The following ABCG1 variants were observed in gnomAD, a reference collection of about 807,000 sequenced individuals.
ABCG1 encodes the protein ATP binding cassette subfamily G member 1, also known as ATP-binding cassette sub-family G member 1.
A neutral mutation model predicts 69.2 loss-of-function variants in ABCG1; 29 were observed. The ratio of observed to expected loss-of-function variants is 0.42; its 90% CI spans 0.31 to 0.57. The LOEUF (loss-of-function observed/expected upper bound fraction) is 0.57. Ranked by LOEUF, ABCG1 falls within the 20% of genes least tolerant of loss-of-function variation. ABCG1 has a pLI of 0.15. For missense variants in ABCG1, 718 were observed against 898.1 expected (o/e 0.80, Z 2.56); for synonymous variants, 370 against 374.8 (o/e 0.99, Z 0.15).
Position 42,288,028 on chromosome 21 carries a change from C to T in ABCG1, c.1113C>T (p.Pro371=). ...AEVNPFLWHR[P]SEEDSSSMEG... is the part of the protein sequence containing the mutation. Reference sequence around the variant, plus strand: ...TGAACCCTTTTCTTTGGCACCGGCCCTCTGAAGAGGTAAAGCAGACAAAAC... The same window carrying T: ...TGAACCCTTTTCTTTGGCACCGGCCTTCTGAAGAGGTAAAGCAGACAAAAC... The change falls in exon 9 of 15, where the codon CCC becomes CCT. Residue 371 remains proline (P), a synonymous_variant. Coordinates refer to ENST00000398449, the MANE Select transcript of ABCG1 (RefSeq NM_016818.3). The surrounding 1 kb of genome is among the most constrained non-coding windows in gnomAD (Gnocchi z 4.8). 2 of 1,610,926 alleles carry T rather than the reference C, an allele frequency of 1.2e-6. No homozygotes were observed. The highest frequency in any genetic ancestry group is 1.7e-6 in the Non-Finnish European group (2 of 1,178,092).
At chr21:42,233,856 G>A (rs2067936648) in intron 2 of ABCG1, among the ~76,000 whole-genome samples, 1 of 152,232 alleles carries the variant, frequency 6.6e-6, no homozygotes, top group Non-Finnish European at 1.5e-5. Flanking sequence ...CCTGAGTCAC[G>A]TTCTTTCTGT....
At chr21:42,225,344 C>T (rs1325029273) in intron 1 of ABCG1, among the ~76,000 whole-genome samples, 1 of 152,132 alleles carries the variant, frequency 6.6e-6, no homozygotes, top group Non-Finnish European at 1.5e-5. Flanking sequence ...GTAAATAGAT[C>T]GATGCCTATG....
Position 42,276,901 on chromosome 21 carries a change from G to A in ABCG1, c.544G>A (p.Ala182Thr). Reference protein sequence around the residue: ...LTVQEAMMVSAHLKLQEKDEG... With the variant: ...LTVQEAMMVSTHLKLQEKDEG... ...TTGTCCTTGTCCCCTGCAGGTGTCGGCACATCTGAAGCTTCAGGAGAAGGA... is the reference window on the plus strand; with the variant it reads ...TTGTCCTTGTCCCCTGCAGGTGTCGACACATCTGAAGCTTCAGGAGAAGGA... The change falls in exon 5 of 15, where the codon GCA becomes ACA. Residue 182 changes from alanine (A) to threonine (T), a missense_variant. By Grantham distance (58) the Ala-to-Thr change is moderately conservative (BLOSUM62 0). Coordinates refer to ENST00000398449, the MANE Select transcript of ABCG1 (RefSeq NM_016818.3). The surrounding 1 kb of genome is among the most constrained non-coding windows in gnomAD (Gnocchi z 5.3). 6.2e-7 allele frequency: 1 copy of A among 1,614,180 alleles called. No homozygotes were observed. The highest frequency in any genetic ancestry group is 8.5e-7 in the Non-Finnish European group (1 of 1,180,016).
At chr21:42,200,471 T>A (rs1453143293) in intron 1 of ABCG1, among the ~76,000 whole-genome samples, 1 of 152,158 alleles carries the variant, frequency 6.6e-6, no homozygotes, top group East Asian at 1.9e-4. Flanking sequence ...AGTCTTCATA[T>A]ATCAGGGGTC....
chr21:42,234,715 G>A (rs1370011598), intron 2 of ABCG1, among the ~76,000 whole-genome samples: 1 of 152,226 alleles, frequency 6.6e-6, no homozygotes, highest in African/African-American at 2.4e-5. Flanking sequence ...TGGTGCAGGT[G>A]CTGACTCTGC....
At chr21:42,294,030 G>A (rs1433025700) in intron 13 of ABCG1, among the ~76,000 whole-genome samples, 2 of 151,648 alleles carry the variant, frequency 1.3e-5, no homozygotes, top group Non-Finnish European at 2.9e-5. Context: ...CAGTGCCCCT[G>A]TTGGACCTGT....
rs4148112 is a variant in ABCG1, at chr21:42,230,666, C to T, written c.286+4752C>T. On this transcript the variant is annotated intron_variant, in intron 2 of 14. Transcript: ENST00000398449. ...AAGCTGCTTTCAGAGCCCATTCACA[C>T]AAGGGTCTCATTTTATTAGGGCGTG... is the stretch of plus-strand genomic sequence containing the variant. Among the ~76,000 whole-genome samples the T allele has an allele frequency of 2.1e-3, 318 of 152,332 alleles. 2 individuals carry two copies. In the East Asian group the frequency reaches 0.029, roughly 14 times the overall value.
upstream of ABCG1, among the ~76,000 whole-genome samples, chr21:42,211,855 C>CAA (rs2067592880): frequency 1.3e-5 from 2 of 152,068 alleles, no homozygotes; most frequent in South Asian, 4.1e-4. Context: ...TGCCACTGCA[C>CAA]TCCAGCCTGG....
intron 2 of ABCG1, among the ~76,000 whole-genome samples, chr21:42,242,936 A>AT (rs1365272151): frequency 2.6e-5 from 4 of 152,142 alleles, no homozygotes; most frequent in Admixed American, 6.5e-5. Flanking sequence ...TCTGATAAGT[A>AT]TGGGGCGATG....
At chr21:42,274,811 C>G (rs917250706) in intron 4 of ABCG1, among the ~76,000 whole-genome samples, 6 of 152,060 alleles carry the variant, frequency 3.9e-5, no homozygotes, top group African/African-American at 1.4e-4. Flanking sequence ...CTCATGGCGA[C>G]TGAAACCACA....
intron 2 of ABCG1, among the ~76,000 whole-genome samples, chr21:42,270,461 G>A (rs2068596097): frequency 1.3e-5 from 2 of 151,980 alleles, no homozygotes; most frequent in Non-Finnish European, 2.9e-5. Context: ...GCAGTTTGGT[G>A]TGGCTCCAAA....
rs2068709963 is a variant in ABCG1 at position 42,276,307 on chromosome 21, T to G, written c.538-588T>G. 6.6e-6 allele frequency: 1 copy of G among 152,550 alleles called. No homozygotes were observed. Among genetic ancestry groups the G allele is most frequent in the African/African-American group, 2.4e-5 (1 of 41,436 alleles). The allele number at this position is 152,550 out of a possible 1,614,324, so 9.4% of individuals were successfully genotyped here. On this transcript the variant is annotated intron_variant, in intron 4 of 14. Coordinates refer to ENST00000398449, the MANE Select transcript of ABCG1 (RefSeq NM_016818.3). This position sits in a 1 kb window ranked among gnomAD's most constrained non-coding sequence, Gnocchi z 5.3. ...GTCGCCCTCGTAAATTCCTGTGCTG[T>G]AAAGACTCTCCTGTGGATAAGTTCA...
intron 6 of ABCG1, 47 bp downstream of exon 6, chr21:42,282,466 C>T (rs755017211): frequency 6.4e-7 from 1 of 1,573,868 alleles, no homozygotes; most frequent in Non-Finnish European, 8.7e-7. Flanking sequence ...GGAAGAACCC[C>T]CTGTATTCAG....
chr21:42,257,815 A>G (rs2068330714), intron 2 of ABCG1, among the ~76,000 whole-genome samples: 1 of 152,210 alleles, frequency 6.6e-6, no homozygotes, highest in Non-Finnish European at 1.5e-5. Flanking sequence ...TTCTTCAGGA[A>G]CAGACTGAGG....
chr21:42,239,792 G>A (rs2068025440), intron 2 of ABCG1, among the ~76,000 whole-genome samples: 1 of 152,234 alleles, frequency 6.6e-6, no homozygotes, highest in South Asian at 2.1e-4. Context: ...CTGGCCCCTG[G>A]CTAATACGAT....
chr21:42,259,398 A>G, intron 2 of ABCG1: 1 of 1,550,288 alleles, frequency 6.5e-7, no homozygotes, highest in Non-Finnish European at 8.7e-7. Flanking sequence ...CGTGTCCTGC[A>G]AAATCGAAAA....
upstream of ABCG1, chr21:42,219,057 G>C: frequency 3.5e-6 from 1 of 282,928 alleles, no homozygotes; most frequent in Admixed American, 5.5e-5. The surrounding 1 kb of genome is among the most constrained non-coding windows in gnomAD (Gnocchi z 5.3). Flanking sequence ...CTGCCGGCCC[G>C]CCCGCCCCCT....
rs2067808666 is a variant in ABCG1 at position 42,225,871 on chromosome 21, C to T, written c.243C>T (p.Asp81=). The T allele has an allele frequency of 6.2e-7, 1 of 1,613,624 alleles. No individual in the cohort carries two copies. The highest frequency in any genetic ancestry group is 8.5e-7 in the Non-Finnish European group (1 of 1,179,974). ...RRAAVNIEFR[D]LSYSVPEGPW... The stretch of plus-strand genomic sequence containing the variant: ...CAGCTGTGAACATTGAATTCAGGGA[C>T]CTTTCCTATTCGGTTCCTGAAGGAC... Residue 81 remains aspartate, a synonymous_variant, in exon 2 of 15, where the codon GAC becomes GAT. Transcript: ENST00000398449.
rs1052894539 is a variant in ABCG1 at position 42,296,625 on chromosome 21, T to G, written c.*233T>G. The stretch of plus-strand genomic sequence containing the variant: ...TAGGAAGATGTAGGCAGATTGGTGG[T>G]TTTTTTTTTTTTAACATACAGAATT... On this transcript the variant is annotated 3_prime_UTR_variant, in exon 15 of 15. Coordinates refer to ENST00000398449, the MANE Select transcript of ABCG1 (RefSeq NM_016818.3). The surrounding 1 kb of genome is among the most constrained non-coding windows in gnomAD (Gnocchi z 5.4). The G allele has an allele frequency of 2.5e-5, 5 of 202,396 alleles. No homozygotes were observed. The highest frequency in any genetic ancestry group is 4.4e-5 in the Non-Finnish European group (5 of 113,554). The allele number at this position is 202,396 out of a possible 1,614,324, so 12.5% of individuals were successfully genotyped here. A position where few individuals can be genotyped will look rare whatever the true frequency, so the allele number is the denominator to read the frequency against.
Sources: gnomAD v4.1 joint callset for allele counts (sites outside exome capture counted in the v4.1 genomes callset) on GRCh38, gnomAD v4.1.1 for gene constraint, Gnocchi (gnomAD v3.1) non-coding constraint, MANE v1.5 for transcripts, NCBI Gene and HGNC (gene_info 2026-07-23, HGNC 2026-07-21) for gene names.